The following TBL2 variants were observed in gnomAD, a reference collection of about 807,000 sequenced individuals.
TBL2 encodes the protein transducin beta like 2.
A neutral mutation model predicts 41.8 loss-of-function variants in TBL2; 33 were observed. The ratio of observed to expected loss-of-function variants is 0.79; its 90% CI spans 0.60 to 1.06. The LOEUF is 1.06. Ranked by LOEUF, TBL2 falls within the 50% of genes least tolerant of loss-of-function variation. The pLI is 0.00. For missense variants in TBL2, 522 were observed against 603.8 expected (o/e 0.86, Z 1.42); for synonymous variants, 239 against 241.7 (o/e 0.99, Z 0.10).
chr7:73,570,254 G>A lies in TBL2; in HGVS notation c.*253C>T. 2.0e-6 allele frequency: 1 copy of A among 502,860 alleles called. No individual in the cohort carries two copies. Among genetic ancestry groups the A allele is most frequent in the Non-Finnish European group, 3.4e-6 (1 of 296,212 alleles). The allele number at this position is 502,860 out of a possible 1,614,324, so 31.1% of individuals were successfully genotyped here. Reference sequence around the variant, plus strand: ...TCTACCATTCTCCTCAGTGCCAGGTGGGGACAGATTCCACCCACTGGGCCT... The same window carrying A: ...TCTACCATTCTCCTCAGTGCCAGGTAGGGACAGATTCCACCCACTGGGCCT... On this transcript the variant is annotated 3_prime_UTR_variant, in exon 7 of 7. Transcript: ENST00000305632.
intron 5 of TBL2, 81 bp downstream of exon 5, chr7:73,572,763 T>C: frequency 1.3e-6 from 2 of 1,597,302 alleles, no homozygotes; most frequent in Non-Finnish European, 1.7e-6. Flanking sequence ...TCCCACGCGA[T>C]GAAGCTGGCT....
intron 6 of TBL2, 74 bp downstream of exon 6, chr7:73,571,115 A>C (rs1554587416): frequency 6.2e-6 from 10 of 1,604,106 alleles, no homozygotes; most frequent in Non-Finnish European, 7.7e-6. Flanking sequence ...GCCATGGCAC[A>C]AACAGACAGA....
chr7:73,574,657 G>T, intron 1 of TBL2, 144 bp from the exon 2 acceptor site: 1 of 1,161,940 alleles, frequency 8.6e-7, no homozygotes, highest in Non-Finnish European at 1.2e-6. Flanking sequence ...GTGTGATATG[G>T]GCAAAAACAG....
At chr7:73,578,393 GC>G (rs1563457896) in intron 1 of TBL2, 26 bp downstream of exon 1, 1 of 1,522,094 alleles carries the variant, frequency 6.6e-7, no homozygotes, top group East Asian at 2.6e-5. Flanking sequence ...ACCGCGGGCC[GC>G]CCCCACCCGA....
At chr7:73,571,430 A>T in intron 5 of TBL2, 89 bp from the exon 6 acceptor site, 1 of 1,547,382 alleles carries the variant, frequency 6.5e-7, no homozygotes, top group Non-Finnish European at 8.8e-7. Context: ...GAGAAAGTTG[A>T]TAATCCTCAT....
In TBL2 at chr7:73,567,680, T is replaced by C. The variant is rs1792703425; in HGVS notation, c.*2827A>G. ...AAACCTTGGTGGCCTCTGCTCTATG[T>C]TAATATCCAGACACCTTCTCTGTGG... On this transcript the variant is annotated 3_prime_UTR_variant, in exon 7 of 7. Transcript: ENST00000305632. 2.0e-5 allele frequency among the ~76,000 whole-genome samples: 3 copies of C among 152,200 alleles called. No homozygotes were observed. The highest frequency in any genetic ancestry group is 7.2e-5 in the African/African-American group (3 of 41,440).
intron 4 of TBL2, 50 bp downstream of exon 4, chr7:73,573,270 G>C (rs1023631476): frequency 6.2e-7 from 1 of 1,605,146 alleles, no homozygotes; most frequent in African/African-American, 1.3e-5. Flanking sequence ...AATAGAACTG[G>C]ATCTTTCCTT....
intron 1 of TBL2, chr7:73,576,693 T>C (rs1231714810): frequency 2.2e-6 from 1 of 456,402 alleles, no homozygotes; most frequent in African/African-American, 2.0e-5. Context: ...GGAAAAAAGC[T>C]CCTGGGCCCT....
Position 73,568,442 on chromosome 7 carries a change from C to T in TBL2, c.*2065G>A, listed in dbSNP as rs1554586559. ...GCTGGATTCCTGAATAAGTAGCAGCCACCCCCCATCCTGCAGGCAGGACAC... is the reference window on the plus strand; with the variant it reads ...GCTGGATTCCTGAATAAGTAGCAGCTACCCCCCATCCTGCAGGCAGGACAC... On this transcript the variant is annotated 3_prime_UTR_variant, in exon 7 of 7. Coordinates refer to ENST00000305632, the MANE Select transcript of TBL2 (RefSeq NM_012453.4). Among the ~76,000 whole-genome samples the T allele has an allele frequency of 2.0e-5, 3 of 152,136 alleles. No individual in the cohort carries two copies. The highest frequency in any genetic ancestry group is 7.2e-5 in the African/African-American group (3 of 41,434).
chr7:73,571,390 G>A (rs781957321), intron 5 of TBL2, 49 bp from the exon 6 acceptor site: 2 of 1,610,978 alleles, frequency 1.2e-6, no homozygotes, highest in South Asian at 2.2e-5. Flanking sequence ...GGAGCATGTT[G>A]TTCCTGTAAA....
At chr7:73,573,249 C>T in intron 4 of TBL2, 71 bp downstream of exon 4, 1 of 1,584,776 alleles carries the variant, frequency 6.3e-7, no homozygotes, top group Non-Finnish European at 8.6e-7. Context: ...GCAGCATTAA[C>T]TCATTGAGGA....
intron 5 of TBL2, 118 bp downstream of exon 5, chr7:73,572,726 G>C: frequency 6.9e-7 from 1 of 1,454,192 alleles, no homozygotes; most frequent in Non-Finnish European, 9.4e-7. Flanking sequence ...TTGAAGCTCG[G>C]GTTCCTGACC....
chr7:73,578,487 C>T lies in TBL2; in HGVS notation c.63G>A (p.Leu21=). ...GLSVLLGLLA[L]MATAAVARGW... is the part of the protein sequence containing the mutation. ...CCCGCGCTACCGCCGCCGTCGCCATCAGGGCCAGCAGCCCAAGCAACACCG... is the reference window on the plus strand; with the variant it reads ...CCCGCGCTACCGCCGCCGTCGCCATTAGGGCCAGCAGCCCAAGCAACACCG... Residue 21 remains leucine (L), a synonymous_variant, in exon 1 of 7, where the codon CTG becomes CTA. Coordinates refer to ENST00000305632, the MANE Select transcript of TBL2 (RefSeq NM_012453.4). 1 of 1,585,042 alleles carries T rather than the reference C, an allele frequency of 6.3e-7. No homozygotes were observed. The highest frequency in any genetic ancestry group is 2.4e-5 in the East Asian group (1 of 41,564).
In TBL2 at chr7:73,567,537, T is replaced by C. The variant is rs569952292; in HGVS notation, c.*2970A>G. ...CACCAAAATAGGCTATACACCGCCA[T>C]TTAAAATATTTCCCCAAATTTTTTT... On this transcript the variant is annotated 3_prime_UTR_variant, in exon 7 of 7. Coordinates refer to ENST00000305632, the MANE Select transcript of TBL2 (RefSeq NM_012453.4). 6.6e-6 allele frequency among the ~76,000 whole-genome samples: 1 copy of C among 152,282 alleles called. No individual in the cohort carries two copies. The highest frequency in any genetic ancestry group is 6.5e-5 in the Admixed American group (1 of 15,294).
rs782329905 is a variant in TBL2, at chr7:73,573,490, C to G, written c.447-19G>C. 1 of 1,613,670 alleles carries G rather than the reference C, an allele frequency of 6.2e-7. No individual in the cohort carries two copies. The highest frequency in any genetic ancestry group is 1.3e-5 in the African/African-American group (1 of 75,000). On this transcript the variant is annotated intron_variant, in intron 3 of 6. Coordinates refer to ENST00000305632, the MANE Select transcript of TBL2 (RefSeq NM_012453.4). ...GAAGGCTCTAGAGACAGGCAGCAGACAAGTCACGCTCTCACTGGACAAAGA... is the reference window on the plus strand; with the variant it reads ...GAAGGCTCTAGAGACAGGCAGCAGAGAAGTCACGCTCTCACTGGACAAAGA...
At position 73,573,793 on chromosome 7, in the gene TBL2, G is replaced by A. The variant is rs144811738; in HGVS notation, c.446+145C>T. ...AGATCTCCAGGGAGCCCCAGGCAGC[G>A]CGCAAACTATGTGGATGCTCTTTCT... On this transcript the variant is annotated intron_variant, in intron 3 of 6. Coordinates refer to ENST00000305632, the MANE Select transcript of TBL2 (RefSeq NM_012453.4). The A allele has an allele frequency of 1.1e-3, 1,094 of 1,025,620 alleles. 10 individuals carry two copies. The East Asian group carries it at 0.013, about 12-fold the overall frequency. The allele number at this position is 1,025,620 out of a possible 1,614,324, so 63.5% of individuals were successfully genotyped here.
chr7:73,572,821 C>G, intron 5 of TBL2, 23 bp downstream of exon 5: 3 of 1,613,854 alleles, frequency 1.9e-6, no homozygotes, highest in Non-Finnish European at 2.5e-6. Context: ...TGGTCCCAGA[C>G]GCCAATACCC....
Position 73,573,960 on chromosome 7 carries a change from C to A in TBL2, c.424G>T (p.Val142Leu). The A allele has an allele frequency of 6.2e-7, 1 of 1,613,844 alleles. No homozygotes were observed. The highest frequency in any genetic ancestry group is 1.7e-4 in the Middle Eastern group (1 of 5,988). The part of the protein sequence containing the change: ...ANVELDHATL[V>L]RFSPDCRAFI... ...CACCTGCAGTCAGGGCTGAAGCGCACCAGGGTGGCGTGGTCCAGCTCCACG... is the reference window on the plus strand; with the variant it reads ...CACCTGCAGTCAGGGCTGAAGCGCAACAGGGTGGCGTGGTCCAGCTCCACG... Residue 142 changes from valine to leucine, a missense_variant, in exon 3 of 7, where the codon GTG becomes TTG. Val to Leu is a conservative substitution (Grantham distance 32). Transcript: ENST00000305632.
chr7:73,578,390 G>C, intron 1 of TBL2, 30 bp downstream of exon 1: 1 of 1,521,188 alleles, frequency 6.6e-7, no homozygotes, highest in African/African-American at 1.4e-5. Flanking sequence ...GACACCGCGG[G>C]CCGCCCCCAC....
Sources: gnomAD v4.1 joint callset for allele counts (sites outside exome capture counted in the v4.1 genomes callset) on GRCh38, gnomAD v4.1.1 for gene constraint, MANE v1.5 for transcripts, NCBI Gene and HGNC (gene_info 2026-07-23, HGNC 2026-07-21) for gene names.